EFCAB5: variants seen among roughly 807,000 people sequenced by gnomAD.
EFCAB5 encodes EF-hand calcium-binding domain-containing protein 5.
In EFCAB5, 131 loss-of-function variants were observed where a neutral mutation model predicts 167.9. That is an observed-to-expected ratio of 0.78 (90% CI 0.68 to 0.90). The LOEUF (loss-of-function observed/expected upper bound fraction) is 0.90, where lower values mean the gene tolerates loss of function less well. Among genes scored for constraint, EFCAB5 ranks in the 40% least tolerant of loss-of-function variants. The pLI, the probability that EFCAB5 is intolerant of heterozygous loss-of-function variation, is 0.00. For synonymous variants in EFCAB5, 574 were observed against 602.8 expected, an observed-to-expected ratio of 0.95 and a Z score of 0.70; for missense variants, 1,663 against 1,745.2, an observed-to-expected ratio of 0.95 and a Z score of 0.84.
At chr17:30,059,052 T>C (rs1476382369) in intron 13 of EFCAB5, 1 of 152,040 alleles carries the variant, frequency 6.6e-6, no homozygotes, top group Non-Finnish European at 1.5e-5. Flanking sequence ...TTTTTTTTCT[T>C]CAAAGCCAGT....
rs779223200 is a variant in EFCAB5, at chr17:30,034,352, C to G, written c.1167C>G (p.Phe389Leu). 5 of 1,609,630 alleles carry G rather than the reference C, an allele frequency of 3.1e-6. No individual in the cohort carries two copies. Among genetic ancestry groups the G allele is most frequent in the Non-Finnish European group, 2.5e-6 (3 of 1,177,546 alleles). Residue 389 changes from phenylalanine (F) to leucine (L), a missense_variant, in exon 8 of 23, where the codon TTC becomes TTG. Phe to Leu is a conservative substitution (Grantham distance 22, BLOSUM62 0). Transcript: ENST00000394835. ...AAGCTGACATGCGGAGGCAGATGTT[C>G]GCTGAACTCTTCCTACATTGTGACC... ...VIKADMRRQM[F>L]AELFLHCDHG...
chr17:30,009,596 C>CT (rs1456337737), intron 7 of EFCAB5, among the ~76,000 whole-genome samples: 3 of 152,104 alleles, frequency 2.0e-5, no homozygotes, highest in Non-Finnish European at 4.4e-5. Flanking sequence ...AATGATATTC[C>CT]TTTTTATGAA....
intron 22 of EFCAB5, among the ~76,000 whole-genome samples, chr17:30,093,915 C>T (rs757055389): frequency 1.3e-5 from 2 of 152,140 alleles, no homozygotes; most frequent in Non-Finnish European, 2.9e-5. Flanking sequence ...AGGAATTCTT[C>T]GGGGTGCCTT....
intron 14 of EFCAB5, among the ~76,000 whole-genome samples, chr17:30,070,012 C>A (rs758262651): frequency 3.3e-5 from 5 of 152,138 alleles, no homozygotes; most frequent in Non-Finnish European, 5.9e-5. Context: ...TCCAGAGCCC[C>A]CAGTTGTCTC....
intron 14 of EFCAB5, among the ~76,000 whole-genome samples, chr17:30,077,921 G>T (rs2070901184): frequency 6.6e-6 from 1 of 152,204 alleles, no homozygotes; most frequent in African/African-American, 2.4e-5. Context: ...TGGTTTATTG[G>T]ATATGGAAGG....
At chr17:29,954,222 C>T (rs2067567206) in intron 3 of EFCAB5, among the ~76,000 whole-genome samples, 1 of 152,214 alleles carries the variant, frequency 6.6e-6, no homozygotes, top group Admixed American at 6.5e-5. Flanking sequence ...CAAGGAGCCA[C>T]ATTTTAATCA....
At chr17:30,011,231 G>T (rs8078405) in intron 7 of EFCAB5, among the ~76,000 whole-genome samples, 7 of 152,100 alleles carry the variant, frequency 4.6e-5, no homozygotes, top group Non-Finnish European at 7.4e-5. Flanking sequence ...TTTGAAGTCA[G>T]GTAGCATGAT....
chr17:29,991,271 C>T (rs774206237), intron 4 of EFCAB5, among the ~76,000 whole-genome samples: 4 of 152,132 alleles, frequency 2.6e-5, no homozygotes, highest in Admixed American at 6.5e-5. Flanking sequence ...GAGACCAGCT[C>T]GGTCATGGAG....
At chr17:30,064,536 A>T (rs1448913813) in intron 14 of EFCAB5, among the ~76,000 whole-genome samples, 4 of 152,202 alleles carry the variant, frequency 2.6e-5, no homozygotes, top group Admixed American at 2.6e-4. Context: ...TATTAAGTGA[A>T]CAAATATTTG....
chr17:29,994,173 T>C (rs2068494779), intron 5 of EFCAB5, among the ~76,000 whole-genome samples: 1 of 129,854 alleles, frequency 7.7e-6, no homozygotes, highest in Non-Finnish European at 1.6e-5. Context: ...TATATATATA[T>C]ATATGTGATA....
chr17:30,053,775 G>T lies in EFCAB5; in HGVS notation c.1821G>T (p.Gly607=), dbSNP rs143904791. 1.1e-4 allele frequency: 183 copies of T among 1,613,804 alleles called. 3 individuals are homozygous for T. In the East Asian group the frequency reaches 3.9e-3, roughly 34 times the overall value. The change falls in exon 10 of 23, where the codon GGG becomes GGT. Residue 607 remains glycine (G), a synonymous_variant. Coordinates refer to ENST00000394835, the MANE Select transcript of EFCAB5 (RefSeq NM_198529.4). ...GCAGAGAGTCAGTTGCAGAACAAGG[G>T]TCACGCAGAGAGTCTATTGCAGAAC... ...GSSRESVAEQ[G]SRRESIAEQD...
At chr17:30,064,810 T>A (rs2070517321) in intron 14 of EFCAB5, among the ~76,000 whole-genome samples, 3 of 152,128 alleles carry the variant, frequency 2.0e-5, no homozygotes, top group Admixed American at 1.3e-4. Flanking sequence ...AAAAGTCACA[T>A]AGAAGGGAAT....
intron 22 of EFCAB5, among the ~76,000 whole-genome samples, chr17:30,098,265 C>A (rs984024146): frequency 5.3e-5 from 8 of 151,084 alleles, no homozygotes; most frequent in African/African-American, 1.7e-4. Context: ...TGGCTCATGC[C>A]TGTAATCCCA....
intron 4 of EFCAB5, among the ~76,000 whole-genome samples, chr17:29,984,084 G>T (rs2068231753): frequency 6.6e-6 from 1 of 151,896 alleles, no homozygotes; most frequent in Non-Finnish European, 1.5e-5. Context: ...ATCCATAGTA[G>T]GTGCCGAATA....
chr17:29,977,965 C>T lies in EFCAB5; in HGVS notation c.767+8598C>T, dbSNP rs568837279. ...GAGTTCTGAAATCTGCTTCAAAGTA[C>T]TTTTTGTATTTTTTTTAAAAAAAGC... is the stretch of plus-strand genomic sequence containing the variant. On this transcript the variant is annotated intron_variant, in intron 4 of 22. Transcript: ENST00000394835. Among the ~76,000 whole-genome samples the T allele has an allele frequency of 1.2e-4, 18 of 152,190 alleles. 1 individual carries two copies.
intron 14 of EFCAB5, chr17:30,073,271 G>A (rs1022158901): frequency 1.7e-6 from 1 of 590,712 alleles, no homozygotes; most frequent in Non-Finnish European, 3.0e-6. Flanking sequence ...TGCCCATGCT[G>A]GTCACAAACT....
chr17:29,961,593 T>C (rs2067721131), intron 3 of EFCAB5, among the ~76,000 whole-genome samples: 3 of 152,152 alleles, frequency 2.0e-5, no homozygotes, highest in South Asian at 4.1e-4. Context: ...TGGTTTTGTT[T>C]GTTTGTTTTT....
chr17:30,086,617 G>A (rs1249205476), intron 18 of EFCAB5, among the ~76,000 whole-genome samples: 1 of 152,058 alleles, frequency 6.6e-6, no homozygotes, highest in Admixed American at 6.5e-5. Context: ...CCGGGGCCGG[G>A]TGTGGTGGCT....
At chr17:30,022,314 G>A (rs1413112200) in intron 7 of EFCAB5, among the ~76,000 whole-genome samples, 1 of 152,122 alleles carries the variant, frequency 6.6e-6, no homozygotes, top group Non-Finnish European at 1.5e-5. Context: ...CCGTCTGAGG[G>A]TTGGAGACAC....
Sources: gnomAD v4.1 joint callset for allele counts (sites outside exome capture counted in the v4.1 genomes callset) on GRCh38, gnomAD v4.1.1 for gene constraint, MANE v1.5 for transcripts, NCBI Gene and HGNC (gene_info 2026-07-23, HGNC 2026-07-21) for gene names.